The following SETD3 variants were observed in gnomAD, a reference collection of about 807,000 sequenced individuals.
The protein encoded by SETD3 is SET domain containing 3, actin N3(tau)-histidine methyltransferase, also known as actin-histidine N-methyltransferase.
In SETD3, 19 loss-of-function variants were observed where a neutral mutation model predicts 63.0. That is an observed-to-expected ratio of 0.30 (90% confidence interval 0.21 to 0.44). The LOEUF is 0.44. SETD3 is among the 20% of genes least tolerant of loss of function. The pLI, the probability that SETD3 is intolerant of heterozygous loss-of-function variation, is 1.00. For synonymous variants in SETD3, 286 were observed against 264.1 expected, an observed-to-expected ratio of 1.08 and a Z score of -0.80; for missense variants, 587 against 728.5, an observed-to-expected ratio of 0.81 and a Z score of 2.24.
chr14:99,454,673 C>A (rs1259152850), intron 6 of SETD3, among the ~76,000 whole-genome samples: 2 of 152,196 alleles, frequency 1.3e-5, no homozygotes, highest in Admixed American at 1.3e-4. Flanking sequence ...CAACTCTGCT[C>A]GCTCAGCAAC....
chr14:99,416,726 T>G (rs1892309647), intron 6 of SETD3, among the ~76,000 whole-genome samples: 1 of 152,098 alleles, frequency 6.6e-6, no homozygotes, highest in South Asian at 2.1e-4. Context: ...TCCCAGTAAA[T>G]ACAGGCGGAG....
At chr14:99,458,595 A>C in intron 5 of SETD3, 60 bp from the exon 6 acceptor site, 6 of 1,558,708 alleles carry the variant, frequency 3.8e-6, no homozygotes, top group Non-Finnish European at 5.2e-6. Context: ...ACTTCATTTA[A>C]ATATACGTTT....
chr14:99,400,300 T>A, intron 11 of SETD3, 41 bp from the exon 12 acceptor site: 1 of 1,570,704 alleles, frequency 6.4e-7, no homozygotes, highest in African/African-American at 1.4e-5. Context: ...GAGGAAAACA[T>A]AGCACTCCTC....
chr14:99,465,849 A>G, intron 1 of SETD3, 36 bp from the exon 2 acceptor site: 1 of 1,410,278 alleles, frequency 7.1e-7, no homozygotes, highest in South Asian at 1.2e-5. Context: ...AAAAAATTAC[A>G]TTACCAAAGA....
intron 6 of SETD3, among the ~76,000 whole-genome samples, 175 bp downstream of exon 6, chr14:99,458,104 C>T (rs1894861301): frequency 6.6e-6 from 1 of 152,150 alleles, no homozygotes; most frequent in Non-Finnish European, 1.5e-5. Context: ...TATGTAACCG[C>T]ATTTCATTGA....
chr14:99,436,305 T>TG lies in SETD3; in HGVS notation c.675+21973dup, dbSNP rs1289835334. Among the ~76,000 whole-genome samples the TG allele has an allele frequency of 2.0e-5, 3 of 152,208 alleles. No homozygotes were observed. The East Asian group carries it at 5.8e-4, about 29-fold the overall frequency. ...TCCCGGGAAAGTTCATCAAACAGCT[T>TG]GTGTCGAATAGTTTTCTAAATCAAG... is the stretch of plus-strand genomic sequence containing the variant. On this transcript the variant is annotated intron_variant, in intron 6 of 12. Transcript: ENST00000331768.
At chr14:99,425,260 G>C (rs760394708) in intron 6 of SETD3, among the ~76,000 whole-genome samples, 1 of 152,202 alleles carries the variant, frequency 6.6e-6, no homozygotes, top group Non-Finnish European at 1.5e-5. Context: ...TCTTGCCAAA[G>C]TCAGAGGTTC....
chr14:99,465,881 T>C, intron 1 of SETD3, 68 bp from the exon 2 acceptor site: 4 of 970,528 alleles, frequency 4.1e-6, no homozygotes, highest in South Asian at 1.4e-5. Context: ...TAATAAAACA[T>C]GTCCAACACA....
chr14:99,409,278 T>C (rs1243443355), intron 8 of SETD3, among the ~76,000 whole-genome samples: 2 of 152,210 alleles, frequency 1.3e-5, no homozygotes, highest in East Asian at 3.8e-4. Flanking sequence ...TAGGGACATC[T>C]AGTGGAAAAG....
Position 99,405,302 on chromosome 14 carries a change from T to C in SETD3, c.994A>G (p.Asn332Asp). The stretch of plus-strand genomic sequence containing the variant: ...TTTATTTTCACTCTGTCGTGTGAGT[T>C]ATTGTCAAAGAAAAAACCACTGTGG... ...VIHSGFFFDN[N>D]SHDRVKIKLG... Residue 332 changes from asparagine to aspartate, a missense_variant, in exon 10 of 13, where the codon AAC (asparagine) becomes GAC (aspartate). Asn to Asp is a conservative substitution (Grantham distance 23, BLOSUM62 1). Transcript: ENST00000331768. 6.2e-7 allele frequency: 1 copy of C among 1,614,180 alleles called. No individual in the cohort carries two copies. Among genetic ancestry groups the C allele is most frequent in the East Asian group, 2.2e-5 (1 of 44,886 alleles).
upstream of SETD3, among the ~76,000 whole-genome samples, chr14:99,481,892 G>A (rs1691721379): frequency 6.6e-6 from 1 of 152,222 alleles, no homozygotes. Flanking sequence ...CTTTTTGGAG[G>A]TTGTTCCATG....
intron 6 of SETD3, among the ~76,000 whole-genome samples, chr14:99,455,193 C>G (rs1235931259): frequency 6.6e-6 from 1 of 152,234 alleles, no homozygotes; most frequent in Non-Finnish European, 1.5e-5. Context: ...TAACCACACT[C>G]AGGAATACCC....
intron 6 of SETD3, among the ~76,000 whole-genome samples, chr14:99,445,320 C>T (rs749962597): frequency 5.3e-5 from 8 of 152,354 alleles, no homozygotes; most frequent in Non-Finnish European, 8.8e-5. Flanking sequence ...ATTTCACCAA[C>T]TCACTATACA....
intron 10 of SETD3, among the ~76,000 whole-genome samples, 172 bp downstream of exon 10, chr14:99,405,033 A>C (rs1891603912): frequency 6.6e-6 from 1 of 152,222 alleles, no homozygotes; most frequent in Admixed American, 6.5e-5. Context: ...TTACCTGAAA[A>C]CGCTGGTAAG....
chr14:99,462,286 A>C (rs1372712418), intron 3 of SETD3, among the ~76,000 whole-genome samples: 1 of 152,216 alleles, frequency 6.6e-6, no homozygotes, highest in Non-Finnish European at 1.5e-5. Context: ...TGTAGTCAAA[A>C]AGATGAAAAG....
intron 1 of SETD3, among the ~76,000 whole-genome samples, chr14:99,479,053 G>GTT (rs1896122887): frequency 1.3e-5 from 2 of 152,174 alleles, no homozygotes; most frequent in African/African-American, 4.8e-5. Flanking sequence ...ACAGACATAA[G>GTT]ATGTTCTAAT....
chr14:99,403,451 A>ACTCTCTCTCTCTCTCTCTCTCT (rs1316443573), intron 11 of SETD3, among the ~76,000 whole-genome samples: 4 of 107,042 alleles, frequency 3.7e-5, no homozygotes, highest in African/African-American at 4.1e-5. Flanking sequence ...ACACACACAC[A>ACTCTCTCTCTCTCTCTCTCTCT]CACACTCTCT....
chr14:99,472,636 T>C (rs547165872), intron 1 of SETD3, among the ~76,000 whole-genome samples: 1 of 152,350 alleles, frequency 6.6e-6, no homozygotes, highest in East Asian at 1.9e-4. Context: ...ATTTCCAATA[T>C]TTATATTAGG....
intron 1 of SETD3, among the ~76,000 whole-genome samples, chr14:99,477,766 C>G (rs1053190738): frequency 1.4e-5 from 2 of 146,544 alleles, no homozygotes; most frequent in Admixed American, 1.4e-4. Flanking sequence ...AAAAAAAAGC[C>G]AAGTCTCAAC....
Sources: gnomAD v4.1 joint callset for allele counts (sites outside exome capture counted in the v4.1 genomes callset) on GRCh38, gnomAD v4.1.1 for gene constraint, MANE v1.5 for transcripts, NCBI Gene and HGNC (gene_info 2026-07-23, HGNC 2026-07-21) for gene names.